Variants in RIT2 observed in about 807,000 individuals in gnomAD.
RIT2 encodes Ras like without CAAX 2.
In RIT2, 24 loss-of-function variants were observed where a neutral mutation model predicts 23.7. The ratio of observed to expected loss-of-function variants is 1.01; its 90% confidence interval spans 0.73 to 1.43. The LOEUF (loss-of-function observed/expected upper bound fraction) is 1.43. Among genes scored for constraint, RIT2 ranks in the 40% most tolerant of loss-of-function variants. RIT2 has a pLI of 0.00. For synonymous variants in RIT2, 107 were observed against 91.1 expected (o/e 1.17, Z -0.99); for missense variants, 236 against 266.9 (o/e 0.88, Z 0.81).
At chr18:42,935,966 C>T (rs1012285775) in intron 3 of RIT2, among the ~76,000 whole-genome samples, 2 of 151,658 alleles carry the variant, frequency 1.3e-5, no homozygotes, top group African/African-American at 4.8e-5. Context: ...GCATTTGGCC[C>T]GCGGGCAATC....
chr18:42,949,310 G>T (rs1909795955), intron 3 of RIT2, among the ~76,000 whole-genome samples: 1 of 152,048 alleles, frequency 6.6e-6, no homozygotes, highest in Non-Finnish European at 1.5e-5. Flanking sequence ...CTTCCTAAAA[G>T]AAATTTATTT....
At chr18:42,897,703 TA>T (rs1168322979) in intron 4 of RIT2, among the ~76,000 whole-genome samples, 1 of 152,094 alleles carries the variant, frequency 6.6e-6, no homozygotes, top group African/African-American at 2.4e-5. Context: ...AATATAAGTA[TA>T]AATTAAAACT....
At chr18:42,844,843 C>T (rs533789845) in intron 4 of RIT2, among the ~76,000 whole-genome samples, 34 of 152,138 alleles carry the variant, frequency 2.2e-4, no homozygotes, top group Non-Finnish European at 2.8e-4. Flanking sequence ...CTGCCCCTAT[C>T]TGCCTAGAAT....
At chr18:42,889,456 A>G (rs975988156) in intron 4 of RIT2, among the ~76,000 whole-genome samples, 5 of 152,126 alleles carry the variant, frequency 3.3e-5, no homozygotes, top group Non-Finnish European at 7.4e-5. Flanking sequence ...TTCTTGCAAG[A>G]AAGTAGAATT....
intron 4 of RIT2, among the ~76,000 whole-genome samples, chr18:42,853,650 A>G (rs1460233185): frequency 6.6e-6 from 1 of 152,170 alleles, no homozygotes; most frequent in African/African-American, 2.4e-5. Context: ...TTTGGTCTCT[A>G]CAGCAGAATA....
At chr18:43,063,041 T>C (rs1598767476) in intron 1 of RIT2, among the ~76,000 whole-genome samples, 1 of 152,088 alleles carries the variant, frequency 6.6e-6, no homozygotes, top group African/African-American at 2.4e-5. Flanking sequence ...ATATTTTCCT[T>C]GAGGGTTATA....
At chr18:43,072,715 A>G (rs1186622762) in intron 1 of RIT2, among the ~76,000 whole-genome samples, 1 of 152,074 alleles carries the variant, frequency 6.6e-6, no homozygotes, top group Non-Finnish European at 1.5e-5. Flanking sequence ...TCTGCATTTC[A>G]TCTGCCTGTT....
chr18:42,787,808 CA>C (rs1026690762), intron 4 of RIT2, among the ~76,000 whole-genome samples: 14 of 152,016 alleles, frequency 9.2e-5, no homozygotes, highest in Non-Finnish European at 1.9e-4. Context: ...TTTTGGATCT[CA>C]AGATTCCACT....
chr18:43,065,752 A>C (rs112045410), intron 1 of RIT2, among the ~76,000 whole-genome samples: 3 of 151,542 alleles, frequency 2.0e-5, no homozygotes, highest in Non-Finnish European at 4.4e-5. Context: ...GGTAACTCCC[A>C]CTTATGTGAT....
chr18:43,086,596 G>T (rs987435508), intron 1 of RIT2, among the ~76,000 whole-genome samples: 1 of 152,252 alleles, frequency 6.6e-6, no homozygotes, highest in East Asian at 1.9e-4. Context: ...TAATATGAAG[G>T]CTGGGGATGA....
chr18:42,833,509 C>G (rs1906517950), intron 4 of RIT2, among the ~76,000 whole-genome samples: 1 of 152,094 alleles, frequency 6.6e-6, no homozygotes. Context: ...AGGATAAACT[C>G]TATGGGCACG....
At chr18:42,802,482 T>C (rs1279079735) in intron 4 of RIT2, among the ~76,000 whole-genome samples, 1 of 152,202 alleles carries the variant, frequency 6.6e-6, no homozygotes. Context: ...AAAATACTTA[T>C]GGAAGGATGA....
chr18:43,070,508 G>A (rs1001497591), intron 1 of RIT2, among the ~76,000 whole-genome samples: 1 of 152,156 alleles, frequency 6.6e-6, no homozygotes, highest in Admixed American at 6.6e-5. Flanking sequence ...GAAACAAACA[G>A]CAAAGTGCCA....
chr18:42,908,178 G>T (rs1908674018), intron 4 of RIT2, among the ~76,000 whole-genome samples: 1 of 150,404 alleles, frequency 6.6e-6, no homozygotes, highest in Non-Finnish European at 1.5e-5. Context: ...CTTAATAGTA[G>T]AGTGGAAAAG....
intron 1 of RIT2, among the ~76,000 whole-genome samples, chr18:43,093,786 C>T (rs1913481420): frequency 6.6e-6 from 1 of 151,988 alleles, no homozygotes; most frequent in Non-Finnish European, 1.5e-5. Context: ...AACTGTTGTG[C>T]CTCTCCGGTC....
In RIT2 at chr18:42,852,440, G is replaced by A. The variant is rs1164469387; in HGVS notation, c.426+71132C>T. Among the ~76,000 whole-genome samples, 22 of 152,310 alleles carry A rather than the reference G, an allele frequency of 1.4e-4. 1 individual carries two copies. Among genetic ancestry groups the A allele is most frequent in the Admixed American group, 1.4e-3 (22 of 15,300 alleles). ...TAAGGCTCTGTACTGTTGAACTGATGTGTCTAAATATGAGATTTAGGATGG... is the reference window on the plus strand; with the variant it reads ...TAAGGCTCTGTACTGTTGAACTGATATGTCTAAATATGAGATTTAGGATGG... On this transcript the variant is annotated intron_variant, in intron 4 of 4. Transcript: ENST00000326695.
intron 4 of RIT2, among the ~76,000 whole-genome samples, chr18:42,839,183 C>T (rs1232592502): frequency 6.6e-6 from 1 of 152,180 alleles, no homozygotes; most frequent in Non-Finnish European, 1.5e-5. Context: ...CCATGTCTGA[C>T]TTCAGCTGAC....
intron 3 of RIT2, among the ~76,000 whole-genome samples, chr18:42,967,684 C>T (rs1371093290): frequency 6.6e-6 from 1 of 151,050 alleles, no homozygotes; most frequent in East Asian, 1.9e-4. Flanking sequence ...AGCCACCACA[C>T]CTGGCCAAAA....
At chr18:42,953,204 AAG>A (rs946276011) in intron 3 of RIT2, among the ~76,000 whole-genome samples, 1 of 152,122 alleles carries the variant, frequency 6.6e-6, no homozygotes, top group Admixed American at 6.6e-5. Context: ...TATGTTTTAA[AAG>A]AGAGAGAAAA....
Sources: allele counts gnomAD v4.1 joint callset (sites outside exome capture counted in the v4.1 genomes callset), GRCh38; gene constraint gnomAD v4.1.1; transcripts MANE v1.5; gene names NCBI Gene and HGNC (gene_info 2026-07-23, HGNC 2026-07-21).